The following KCNH8 variants were observed in gnomAD, a reference collection of about 807,000 sequenced individuals.
KCNH8 encodes the protein voltage-gated delayed rectifier potassium channel KCNH8.
In KCNH8, 70 loss-of-function variants were observed where a neutral mutation model predicts 103.6. The observed-to-expected ratio is 0.68, with a 90% CI of 0.56 to 0.82. KCNH8 has a LOEUF of 0.82. Ranked by LOEUF, KCNH8 falls within the 40% of genes least tolerant of loss-of-function variation. KCNH8 has a pLI of 0.00. For missense variants in KCNH8, 1,217 were observed against 1,329.9 expected (o/e 0.92, Z 1.32); for synonymous variants, 498 against 489.4 (o/e 1.02, Z -0.23).
intron 11 of KCNH8, among the ~76,000 whole-genome samples, chr3:19,495,852 G>A (rs1428717673): frequency 6.6e-6 from 1 of 152,002 alleles, no homozygotes; most frequent in Non-Finnish European, 1.5e-5. Flanking sequence ...TTTTCCATGT[G>A]TTTGTGTCAT....
chr3:19,223,900 A>G (rs531525990), intron 1 of KCNH8, among the ~76,000 whole-genome samples: 2 of 152,258 alleles, frequency 1.3e-5, no homozygotes, highest in South Asian at 4.1e-4. Context: ...AATCTTTAAT[A>G]TTTTTTTCTG....
intron 7 of KCNH8, among the ~76,000 whole-genome samples, chr3:19,395,622 G>A (rs2066504624): frequency 6.6e-6 from 1 of 151,942 alleles, no homozygotes; most frequent in African/African-American, 2.4e-5. Context: ...TTCCGATGCA[G>A]GGCTAGTAAT....
In KCNH8 at chr3:19,334,647, G is replaced by A. The variant is rs528316142; in HGVS notation, c.443-7940G>A. On this transcript the variant is annotated intron_variant, in intron 3 of 15. Coordinates refer to ENST00000328405, the MANE Select transcript of KCNH8 (RefSeq NM_144633.3). ...TCCCCTTAAATCCTCTTTATATCTA[G>A]GATCTATAATTATTCCTGTGTTAAT... Among the ~76,000 whole-genome samples the A allele has an allele frequency of 3.4e-5, 5 of 148,132 alleles. No homozygotes were observed. The East Asian group carries it at 9.8e-4, about 29-fold the overall frequency.
At chr3:19,501,924 A>T (rs898479979) in intron 11 of KCNH8, among the ~76,000 whole-genome samples, 54 of 152,338 alleles carry the variant, frequency 3.5e-4, no homozygotes, top group African/African-American at 1.3e-3. Context: ...AGTTCTGGCC[A>T]GGGCAATTAG....
chr3:19,188,467 A>G (rs2063522970), intron 1 of KCNH8, among the ~76,000 whole-genome samples: 1 of 152,074 alleles, frequency 6.6e-6, no homozygotes, highest in African/African-American at 2.4e-5. Context: ...CAACTTTATT[A>G]ACAAAAACAT....
chr3:19,330,013 G>C (rs1389323896), intron 3 of KCNH8, among the ~76,000 whole-genome samples: 1 of 145,332 alleles, frequency 6.9e-6, no homozygotes, highest in Non-Finnish European at 1.5e-5. Context: ...TTTTCTAAAA[G>C]TAAAAAAAAA....
chr3:19,444,667 C>T (rs866129913), intron 8 of KCNH8, among the ~76,000 whole-genome samples: 10 of 151,512 alleles, frequency 6.6e-5, no homozygotes, highest in South Asian at 2.1e-4. Context: ...AATCAACGCC[C>T]TGAAATGGGC....
intron 7 of KCNH8, among the ~76,000 whole-genome samples, chr3:19,434,954 G>A (rs755345937): frequency 6.6e-6 from 1 of 151,876 alleles, no homozygotes; most frequent in Non-Finnish European, 1.5e-5. Flanking sequence ...ACAGCATCAC[G>A]AGATAACTAT....
chr3:19,370,403 A>T (rs181077295), intron 5 of KCNH8, among the ~76,000 whole-genome samples: 1 of 152,224 alleles, frequency 6.6e-6, no homozygotes, highest in East Asian at 1.9e-4. Flanking sequence ...ATTAAGTGAA[A>T]ATTGGAACTT....
intron 4 of KCNH8, among the ~76,000 whole-genome samples, chr3:19,344,753 A>G (rs2065707103): frequency 6.6e-6 from 1 of 152,132 alleles, no homozygotes; most frequent in Admixed American, 6.6e-5. Flanking sequence ...TAACATTTGC[A>G]CACACAAAAA....
chr3:19,148,951 A>G (rs998667262), intron 1 of KCNH8, among the ~76,000 whole-genome samples, 156 bp downstream of exon 1: 1 of 151,964 alleles, frequency 6.6e-6, no homozygotes, highest in Non-Finnish European at 1.5e-5. Context: ...TTGTTCCCTC[A>G]TGGTTTGGTG....
intron 10 of KCNH8, among the ~76,000 whole-genome samples, chr3:19,454,994 G>C (rs1048008860): frequency 6.6e-6 from 1 of 152,054 alleles, no homozygotes; most frequent in Non-Finnish European, 1.5e-5. Flanking sequence ...ATAATACTTT[G>C]ATAAACTTAG....
intron 15 of KCNH8, among the ~76,000 whole-genome samples, chr3:19,520,070 C>T (rs903942122): frequency 1.5e-4 from 23 of 149,958 alleles, no homozygotes; most frequent in Admixed American, 1.1e-3. Context: ...CCTGTATTCA[C>T]GATTTCTTTT....
intron 7 of KCNH8, among the ~76,000 whole-genome samples, chr3:19,401,683 G>A (rs1177844449): frequency 6.6e-6 from 1 of 151,758 alleles, no homozygotes; most frequent in East Asian, 1.9e-4. Context: ...TATATTTTAA[G>A]TATAGCAATA....
chr3:19,323,999 C>A (rs940640286), intron 3 of KCNH8, among the ~76,000 whole-genome samples: 2 of 152,150 alleles, frequency 1.3e-5, no homozygotes, highest in African/African-American at 4.8e-5. Context: ...CAGGTGGTGG[C>A]ATTTTCGAGA....
At chr3:19,484,312 A>G (rs1188213118) in intron 11 of KCNH8, among the ~76,000 whole-genome samples, 1 of 152,224 alleles carries the variant, frequency 6.6e-6, no homozygotes, top group Non-Finnish European at 1.5e-5. Flanking sequence ...ATTCATAGTA[A>G]CTATAGAACA....
chr3:19,202,151 G>A (rs775539316), intron 1 of KCNH8, among the ~76,000 whole-genome samples: 2 of 152,150 alleles, frequency 1.3e-5, no homozygotes, highest in Non-Finnish European at 2.9e-5. Flanking sequence ...GGGACTTCAT[G>A]AGGAGGGTAA....
In KCNH8 at chr3:19,241,950, G is replaced by T. The variant is rs184487701; in HGVS notation, c.77-11704G>T. Among the ~76,000 whole-genome samples the T allele has an allele frequency of 1.2e-4, 19 of 152,234 alleles. No individual in the cohort carries two copies. The South Asian group carries it at 2.5e-3, about 20-fold the overall frequency. On this transcript the variant is annotated intron_variant, in intron 1 of 15. Transcript: ENST00000328405. The stretch of plus-strand genomic sequence containing the variant: ...TTGAGAGAGGGATCTACTTAGAGAA[G>T]ATGATCAGGGAAGGACTCTGAGAAG...
chr3:19,517,336 A>T (rs1404382071), intron 14 of KCNH8, among the ~76,000 whole-genome samples: 1 of 152,008 alleles, frequency 6.6e-6, no homozygotes, highest in Non-Finnish European at 1.5e-5. Flanking sequence ...CCCACCAACA[A>T]GTTTTCTCCT....
Sources: allele counts gnomAD v4.1 joint callset (sites outside exome capture counted in the v4.1 genomes callset), GRCh38; gene constraint gnomAD v4.1.1; transcripts MANE v1.5; gene names NCBI Gene and HGNC (gene_info 2026-07-23, HGNC 2026-07-21).